The following LRP1B variants were observed in gnomAD, a reference collection of about 807,000 sequenced individuals.
LRP1B encodes low-density lipoprotein receptor-related protein 1B.
In LRP1B, 217 loss-of-function variants were observed where a neutral mutation model predicts 556.6. The ratio of observed to expected loss-of-function variants is 0.39; its 90% CI spans 0.35 to 0.44. The LOEUF is 0.44. Among genes scored for constraint, LRP1B ranks in the 20% least tolerant of loss-of-function variants. LRP1B has a pLI of 1.00. For missense variants in LRP1B, 5,053 were observed against 5,620.8 expected (o/e 0.90, Z 3.23); for synonymous variants, 2,047 against 1,865.8 (o/e 1.10, Z -2.50).
chr2:141,555,942 T>C (rs779951466), intron 2 of LRP1B, among the ~76,000 whole-genome samples: 1 of 151,112 alleles, frequency 6.6e-6, no homozygotes, highest in Non-Finnish European at 1.5e-5. Flanking sequence ...CAGGGTTTTG[T>C]TTTGTTTTGT....
chr2:141,594,348 A>G (rs1687442937), intron 2 of LRP1B, among the ~76,000 whole-genome samples: 1 of 152,164 alleles, frequency 6.6e-6, no homozygotes, highest in Non-Finnish European at 1.5e-5. Flanking sequence ...ATGGTGAAAG[A>G]GATAAGAATA....
chr2:141,737,360 C>T (rs894575377), intron 2 of LRP1B, among the ~76,000 whole-genome samples: 2 of 152,006 alleles, frequency 1.3e-5, no homozygotes, highest in Admixed American at 6.6e-5. Flanking sequence ...TCAGAAAAAG[C>T]AAACAAACAA....
chr2:141,519,398 TATATGAA>T (rs1477991202), intron 2 of LRP1B, among the ~76,000 whole-genome samples: 567 of 23,950 alleles, frequency 0.024, 27 homozygotes, highest in East Asian at 0.11. Context: ...TATATATATA[TATATGAA>T]ATGCAATATT....
At chr2:140,256,833 T>C (rs955288837) in intron 86 of LRP1B, among the ~76,000 whole-genome samples, 5 of 151,892 alleles carry the variant, frequency 3.3e-5, no homozygotes, top group African/African-American at 1.2e-4. Context: ...TTTTGAGAGA[T>C]TAAGAGATAA....
rs2104939696 is a variant in LRP1B, at chr2:140,517,012, C to T, written c.8027-1G>A. 6.4e-7 allele frequency: 1 copy of T among 1,570,512 alleles called. No homozygotes were observed. The highest frequency in any genetic ancestry group is 8.8e-7 in the Non-Finnish European group (1 of 1,140,848). ...TCTTCACATTTGTGTTTGTTTTGAA[C>T]TGTGATAAAATATGGAATGTCAAAC... On this transcript the variant is annotated splice_acceptor_variant, in intron 49 of 90. Transcript: ENST00000389484. LOFTEE classifies it high-confidence loss of function.
At chr2:142,023,419 T>C (rs1411281686) in intron 1 of LRP1B, among the ~76,000 whole-genome samples, 2 of 152,188 alleles carry the variant, frequency 1.3e-5, no homozygotes, top group Non-Finnish European at 2.9e-5. Flanking sequence ...TTTTTCTTTT[T>C]AAATAAGTTG....
intron 6 of LRP1B, among the ~76,000 whole-genome samples, chr2:141,206,279 G>C (rs899743310): frequency 6.6e-6 from 1 of 151,990 alleles, no homozygotes; most frequent in African/African-American, 2.4e-5. Flanking sequence ...CTAGGGTAAG[G>C]AACTTCTATT....
chr2:141,759,859 T>C (rs1376578687), intron 2 of LRP1B, among the ~76,000 whole-genome samples: 2 of 152,104 alleles, frequency 1.3e-5, no homozygotes, highest in Non-Finnish European at 2.9e-5. Flanking sequence ...TACTTGAATA[T>C]TGGCGAGGCA....
At chr2:141,904,012 C>T (rs930571797) in intron 1 of LRP1B, among the ~76,000 whole-genome samples, 6 of 151,520 alleles carry the variant, frequency 4.0e-5, no homozygotes, top group African/African-American at 1.5e-4. Flanking sequence ...CCAGAGAGCA[C>T]GAAGGGTAAT....
At chr2:141,831,878 A>C (rs1037050470) in intron 1 of LRP1B, among the ~76,000 whole-genome samples, 2 of 151,728 alleles carry the variant, frequency 1.3e-5, no homozygotes, top group African/African-American at 4.8e-5. Flanking sequence ...GATTAGCTAA[A>C]AACAGCACCA....
In LRP1B at chr2:141,798,134, G is replaced by A. The variant is rs773491321; in HGVS notation, c.205+12145C>T. 5.3e-4 allele frequency among the ~76,000 whole-genome samples: 80 copies of A among 152,242 alleles called. 1 individual carries two copies. Among genetic ancestry groups the A allele is most frequent in the Admixed American group, 7.9e-4 (12 of 15,284 alleles). ...AAAGATTTAGGTGTAAACACATCAT[G>A]TCTGCATGTATTAAAATGGTTTGGC... On this transcript the variant is annotated intron_variant, in intron 2 of 90. Transcript: ENST00000389484.
At position 141,479,618 on chromosome 2, in the gene LRP1B, A is replaced by C. The variant is rs75255603; in HGVS notation, c.343+778T>G. Among the ~76,000 whole-genome samples, 965 of 152,216 alleles carry C rather than the reference A, an allele frequency of 6.3e-3. 12 individuals are homozygous for C. The highest frequency in any genetic ancestry group is 0.021 in the African/African-American group (871 of 41,536). ...AATCTGAGTTAAAGACTTCCAGTAC[A>C]GTTGTTTCTTTCCCAGCTCCATCCT... On this transcript the variant is annotated intron_variant, in intron 3 of 90. Transcript: ENST00000389484.
At chr2:141,120,459 T>C (rs1701019599) in intron 7 of LRP1B, among the ~76,000 whole-genome samples, 1 of 151,990 alleles carries the variant, frequency 6.6e-6, no homozygotes, top group Admixed American at 6.6e-5. Context: ...AATATTTGAC[T>C]ATTTTAACCT....
At chr2:141,627,863 AG>A (rs1381351953) in intron 2 of LRP1B, among the ~76,000 whole-genome samples, 89 of 152,294 alleles carry the variant, frequency 5.8e-4, no homozygotes, top group African/African-American at 2.1e-3. Context: ...ATAGTAGGGG[AG>A]GCTGTCGGGA....
intron 3 of LRP1B, among the ~76,000 whole-genome samples, chr2:141,256,144 C>T (rs1033014719): frequency 1.3e-5 from 2 of 151,936 alleles, no homozygotes; most frequent in African/African-American, 4.8e-5. Flanking sequence ...TAGAAAGATT[C>T]ATCTAGAAGC....
At chr2:141,000,711 T>C (rs758706217) in intron 15 of LRP1B, among the ~76,000 whole-genome samples, 2 of 152,090 alleles carry the variant, frequency 1.3e-5, no homozygotes, top group Non-Finnish European at 2.9e-5. Flanking sequence ...AAATAGGAAA[T>C]TGATATATAT....
intron 41 of LRP1B, among the ~76,000 whole-genome samples, chr2:140,650,095 G>A (rs1369527461): frequency 6.6e-6 from 1 of 151,866 alleles, no homozygotes; most frequent in African/African-American, 2.4e-5. Flanking sequence ...CTACACGAAA[G>A]AGACAATTTT....
chr2:141,155,001 T>G lies in LRP1B; in HGVS notation c.1013+33420A>C, dbSNP rs1431680894. On this transcript the variant is annotated intron_variant, in intron 7 of 90. Coordinates refer to ENST00000389484, the MANE Select transcript of LRP1B (RefSeq NM_018557.3). Reference sequence around the variant, plus strand: ...ATAATAAATGTTCTGTACATTACTTTGCCTGTAGCAGTAAAAATAAAACAA... The same window carrying G: ...ATAATAAATGTTCTGTACATTACTTGGCCTGTAGCAGTAAAAATAAAACAA... 3.3e-5 allele frequency among the ~76,000 whole-genome samples: 5 copies of G among 151,978 alleles called. No individual in the cohort carries two copies. The East Asian group carries it at 9.6e-4, about 29-fold the overall frequency.
In LRP1B at chr2:140,712,130, T is replaced by C. The variant is rs1687050238; in HGVS notation, c.6023+3843A>G. 4.6e-5 allele frequency among the ~76,000 whole-genome samples: 7 copies of C among 152,218 alleles called. No individual in the cohort carries two copies. In the South Asian group the frequency reaches 1.4e-3, roughly 31 times the overall value. On this transcript the variant is annotated intron_variant, in intron 37 of 90. Transcript: ENST00000389484. ...GGATTATCCTGGGGCCACTTGAATC[T>C]CTTCTCCCACAAGTGCTGAAAGTCA...
Sources: gnomAD v4.1 joint callset for allele counts (sites outside exome capture counted in the v4.1 genomes callset) on GRCh38, gnomAD v4.1.1 for gene constraint, MANE v1.5 for transcripts, NCBI Gene and HGNC (gene_info 2026-07-23, HGNC 2026-07-21) for gene names.